KCNQ1: variants seen among roughly 807,000 people sequenced by gnomAD.
KCNQ1 encodes potassium voltage-gated channel subfamily Q member 1.
Under a neutral mutation model 72.4 loss-of-function variants are expected in KCNQ1, and 49 were observed. That is an observed-to-expected ratio of 0.68 (90% CI 0.54 to 0.86). KCNQ1 has a LOEUF of 0.86. KCNQ1 is among the 40% of genes least tolerant of loss of function. The pLI is 0.00. For missense variants in KCNQ1, 790 were observed against 945.1 expected, an observed-to-expected ratio of 0.84 and a Z score of 2.15; for synonymous variants, 450 against 412.6, an observed-to-expected ratio of 1.09 and a Z score of -1.10.
chr11:2,797,070 T>C (rs1189880090), intron 15 of KCNQ1, among the ~76,000 whole-genome samples: 2 of 152,172 alleles, frequency 1.3e-5, no homozygotes, highest in African/African-American at 4.8e-5. Flanking sequence ...AACGGGGCAT[T>C]GTTCACGGCC....
intron 15 of KCNQ1, among the ~76,000 whole-genome samples, chr11:2,793,739 T>C (rs1847078831): frequency 6.6e-6 from 1 of 152,194 alleles, no homozygotes. Flanking sequence ...TCTGAAGCAC[T>C]GTGGGCATTT....
Position 2,562,798 on chromosome 11 carries a change from A to G in KCNQ1, c.478-7830A>G, listed in dbSNP as rs1171590840. 2.6e-5 allele frequency among the ~76,000 whole-genome samples: 4 copies of G among 152,168 alleles called. 1 individual carries two copies. The highest frequency in any genetic ancestry group is 4.4e-5 in the Non-Finnish European group (3 of 68,042). On this transcript the variant is annotated intron_variant, in intron 2 of 15. Transcript: ENST00000155840. The surrounding 1 kb of genome is among the most constrained non-coding windows in gnomAD (Gnocchi z 7.5). ...CCAGGGAGGCCGGCTGTGTTTCTGCATCCTTGACCCTGGCCCCTTCCACAA... is the reference window on the plus strand; with the variant it reads ...CCAGGGAGGCCGGCTGTGTTTCTGCGTCCTTGACCCTGGCCCCTTCCACAA...
rs1344017092 is a variant in KCNQ1, at chr11:2,745,783, G to A, written c.1515-23061G>A. Among the ~76,000 whole-genome samples, 1 of 152,268 alleles carries A rather than the reference G, an allele frequency of 6.6e-6. No individual in the cohort carries two copies. Among genetic ancestry groups the A allele is most frequent in the East Asian group, 1.9e-4 (1 of 5,200 alleles). ...CCTTGGAGAAGGCCGCTCAGCGAGG[G>A]CCGCCTTCAGGCCTGAGCCCGGGGC... On this transcript the variant is annotated intron_variant, in intron 11 of 15. Coordinates refer to ENST00000155840, the MANE Select transcript of KCNQ1 (RefSeq NM_000218.3). This position sits in a 1 kb window ranked among gnomAD's most constrained non-coding sequence, Gnocchi z 6.2.
In KCNQ1 at chr11:2,587,639, C is replaced by A; in HGVS notation, c.1198C>A (p.Pro400Thr). The change falls in exon 9 of 16, where the codon CCC (proline) becomes ACC (threonine). Residue 400 changes from proline (P) to threonine (T), a missense_variant. Transcript: ENST00000155840. ...CTGGAAGATCTACATCCGGAAGGCCCCCCGGAGCCACACTCTGCTGTCACC... is the reference window on the plus strand; with the variant it reads ...CTGGAAGATCTACATCCGGAAGGCCACCCGGAGCCACACTCTGCTGTCACC... Reference protein sequence around the residue: ...STWKIYIRKAPRSHTLLSPSP... With the variant: ...STWKIYIRKATRSHTLLSPSP... 4 of 1,613,960 alleles carry A rather than the reference C, an allele frequency of 2.5e-6. No individual in the cohort carries two copies. Among genetic ancestry groups the A allele is most frequent in the Non-Finnish European group, 2.5e-6 (3 of 1,180,018 alleles).
chr11:2,661,531 C>G lies in KCNQ1; in HGVS notation c.1394-430C>G, dbSNP rs1849955946. ...CAGAGGTCCTATCACCCCATCTTTC[C>G]TGACCCACTACTCTGTCAATGTATG... On this transcript the variant is annotated intron_variant, in intron 10 of 15. Coordinates refer to ENST00000155840, the MANE Select transcript of KCNQ1 (RefSeq NM_000218.3). The surrounding 1 kb of genome is among the most constrained non-coding windows in gnomAD (Gnocchi z 5.9). 2 of 488,762 alleles carry G rather than the reference C, an allele frequency of 4.1e-6. No individual in the cohort carries two copies. The highest frequency in any genetic ancestry group is 7.2e-6 in the Non-Finnish European group (2 of 278,348). The allele number at this position is 488,762 out of a possible 1,614,324, so 30.3% of individuals were successfully genotyped here.
At chr11:2,504,406 T>A (rs984272713) in intron 1 of KCNQ1, among the ~76,000 whole-genome samples, 3 of 151,994 alleles carry the variant, frequency 2.0e-5, no homozygotes, top group Non-Finnish European at 4.4e-5. Context: ...TAAAACCTGG[T>A]ATTTGATAGC....
intron 1 of KCNQ1, among the ~76,000 whole-genome samples, chr11:2,501,919 C>T (rs547533390): frequency 5.9e-5 from 9 of 152,080 alleles, no homozygotes; most frequent in Middle Eastern, 3.2e-3. Flanking sequence ...TGTGATACAT[C>T]GTATCAACAG....
At position 2,678,433 on chromosome 11, in the gene KCNQ1, T is replaced by A. The variant is rs894654517; in HGVS notation, c.1514+16352T>A. ...CAACACTATTTATTTGAGTACATCA[T>A]CATCTCTCTACTAATTTCAACTGCT... On this transcript the variant is annotated intron_variant, in intron 11 of 15. Transcript: ENST00000155840. This position sits in a 1 kb window ranked among gnomAD's most constrained non-coding sequence, Gnocchi z 4.9. 9 of 398,664 alleles carry A rather than the reference T, an allele frequency of 2.3e-5. No individual in the cohort carries two copies. Among genetic ancestry groups the A allele is most frequent in the African/African-American group, 1.8e-4 (9 of 48,772 alleles). The allele number at this position is 398,664 out of a possible 1,614,324, so 24.7% of individuals were successfully genotyped here. A position where few individuals can be genotyped will look rare whatever the true frequency, so the allele number is the denominator to read the frequency against.
Position 2,457,853 on chromosome 11 carries a change from G to T in KCNQ1, c.386+12369G>T, listed in dbSNP as rs760099010. On this transcript the variant is annotated intron_variant, in intron 1 of 15. Transcript: ENST00000155840. The surrounding 1 kb of genome is among the most constrained non-coding windows in gnomAD (Gnocchi z 5.0). The stretch of plus-strand genomic sequence containing the variant: ...ACAGATGTAAGTTAGAAGAGGTTAC[G>T]CAAAAATCCTCCATCCCTGCATTTG... 2.1e-4 allele frequency among the ~76,000 whole-genome samples: 32 copies of T among 151,720 alleles called. 1 individual carries two copies. Among genetic ancestry groups the T allele is most frequent in the Non-Finnish European group, 1.0e-4 (7 of 67,932 alleles).
In KCNQ1 at chr11:2,662,817, C is replaced by T. The variant is rs190419199; in HGVS notation, c.1514+736C>T. The T allele has an allele frequency of 3.8e-4, 151 of 398,900 alleles. No homozygotes were observed. The East Asian group carries it at 4.6e-3, about 12-fold the overall frequency. The allele number at this position is 398,900 out of a possible 1,614,324, so 24.7% of individuals were successfully genotyped here. A position where few individuals can be genotyped will look rare whatever the true frequency, so the allele number is the denominator to read the frequency against. ...TGTCAAGATCTGTGAGTGACACTCG[C>T]GGCCCTTCTGAGGGTCACTTGTGGA... On this transcript the variant is annotated intron_variant, in intron 11 of 15. Coordinates refer to ENST00000155840, the MANE Select transcript of KCNQ1 (RefSeq NM_000218.3).
intron 11 of KCNQ1, chr11:2,684,734 G>A: frequency 2.5e-6 from 1 of 398,622 alleles, no homozygotes; most frequent in East Asian, 3.6e-5. Flanking sequence ...CCCAGGGTAG[G>A]TCTGCCTGGG....
At chr11:2,716,822 C>T (rs901129109) in intron 11 of KCNQ1, among the ~76,000 whole-genome samples, 3 of 152,254 alleles carry the variant, frequency 2.0e-5, no homozygotes, top group African/African-American at 7.2e-5. Flanking sequence ...TCTCTTCCCA[C>T]ATTTGGAGGG....
intron 1 of KCNQ1, among the ~76,000 whole-genome samples, chr11:2,489,361 C>T (rs369637088): frequency 2.0e-5 from 3 of 152,232 alleles, no homozygotes; most frequent in South Asian, 4.1e-4. Flanking sequence ...TAAACCAGCC[C>T]TAGCCAGAGG....
rs1590008336 is a variant in KCNQ1 at position 2,653,291 on chromosome 11, G to C, written c.1394-8670G>C. ...CCTGAAAACTAGTGGGGGCAGTGCA[G>C]ACCAGTTTAGCTATTTTGTAACCTT... On this transcript the variant is annotated intron_variant, in intron 10 of 15. Coordinates refer to ENST00000155840, the MANE Select transcript of KCNQ1 (RefSeq NM_000218.3). This position sits in a 1 kb window ranked among gnomAD's most constrained non-coding sequence, Gnocchi z 5.3. 2.5e-6 allele frequency: 1 copy of C among 398,624 alleles called. No individual in the cohort carries two copies. Among genetic ancestry groups the C allele is most frequent in the Non-Finnish European group, 4.4e-6 (1 of 226,146 alleles). The allele number at this position is 398,624 out of a possible 1,614,324, so 24.7% of individuals were successfully genotyped here.
chr11:2,535,299 C>A (rs1406555397), intron 2 of KCNQ1, among the ~76,000 whole-genome samples: 1 of 152,208 alleles, frequency 6.6e-6, no homozygotes, highest in Non-Finnish European at 1.5e-5. Context: ...TCTGGGGCAG[C>A]TGGGGACACC....
In KCNQ1 at chr11:2,595,605, G is replaced by A. The variant is rs7123946; in HGVS notation, c.1393+6751G>A. Reference sequence around the variant, plus strand: ...TACTGAATATGTTGAGCCCATTTTCGAGACCTATTGCTCAGACAAAAAGAT... The same window carrying A: ...TACTGAATATGTTGAGCCCATTTTCAAGACCTATTGCTCAGACAAAAAGAT... On this transcript the variant is annotated intron_variant, in intron 10 of 15. Coordinates refer to ENST00000155840, the MANE Select transcript of KCNQ1 (RefSeq NM_000218.3). This position sits in a 1 kb window ranked among gnomAD's most constrained non-coding sequence, Gnocchi z 5.0. 3.2e-4 allele frequency among the ~76,000 whole-genome samples: 49 copies of A among 152,136 alleles called. No individual in the cohort carries two copies. The highest frequency in any genetic ancestry group is 9.2e-4 in the African/African-American group (38 of 41,470).
chr11:2,497,339 T>C lies in KCNQ1; in HGVS notation c.387-30589T>C, dbSNP rs1334683323. Reference sequence around the variant, plus strand: ...GGTTTGGTCTTTTCATATAGTCCCATATTTCTTGGAGGTTTTGTTCGTTCT... The same window carrying C: ...GGTTTGGTCTTTTCATATAGTCCCACATTTCTTGGAGGTTTTGTTCGTTCT... On this transcript the variant is annotated intron_variant, in intron 1 of 15. Coordinates refer to ENST00000155840, the MANE Select transcript of KCNQ1 (RefSeq NM_000218.3). This position sits in a 1 kb window ranked among gnomAD's most constrained non-coding sequence, Gnocchi z 4.5. 6.6e-6 allele frequency among the ~76,000 whole-genome samples: 1 copy of C among 152,186 alleles called. No homozygotes were observed. Among genetic ancestry groups the C allele is most frequent in the Non-Finnish European group, 1.5e-5 (1 of 68,036 alleles).
At position 2,493,448 on chromosome 11, in the gene KCNQ1, T is replaced by C. The variant is rs1846865949; in HGVS notation, c.387-34480T>C. ...CCCATGCCTATGTCCTGAATGGTAT[T>C]GCCTGGGTATTCTTCTAGGGTTTCC... On this transcript the variant is annotated intron_variant, in intron 1 of 15. Transcript: ENST00000155840. This position sits in a 1 kb window ranked among gnomAD's most constrained non-coding sequence, Gnocchi z 5.3. Among the ~76,000 whole-genome samples, 1 of 152,250 alleles carries C rather than the reference T, an allele frequency of 6.6e-6. No individual in the cohort carries two copies. The highest frequency in any genetic ancestry group is 2.4e-5 in the African/African-American group (1 of 41,466).
intron 10 of KCNQ1, chr11:2,628,925 A>G: frequency 2.5e-6 from 1 of 398,378 alleles, no homozygotes; most frequent in Non-Finnish European, 4.4e-6. Context: ...AGTTGACCAT[A>G]AATGTGTGGG....
Sources: allele counts gnomAD v4.1 joint callset (sites outside exome capture counted in the v4.1 genomes callset), GRCh38; gene constraint gnomAD v4.1.1; non-coding constraint Gnocchi (gnomAD v3.1); transcripts MANE v1.5; gene names NCBI Gene and HGNC (gene_info 2026-07-23, HGNC 2026-07-21).